The following CADM2 variants were observed in gnomAD, a reference collection of about 807,000 sequenced individuals.
CADM2 encodes cell adhesion molecule 2.
CADM2 carries 12 observed loss-of-function variants against 49.8 expected under a neutral mutation model. The ratio of observed to expected loss-of-function variants is 0.24; its 90% CI spans 0.15 to 0.39. The LOEUF is 0.39. CADM2 is among the 10% of genes least tolerant of loss of function. CADM2 has a pLI of 1.00. For synonymous variants in CADM2, 214 were observed against 175.4 expected (o/e 1.22, Z -1.74); for missense variants, 378 against 492.3 (o/e 0.77, Z 2.20).
At chr3:85,599,297 C>A (rs1390329236) in intron 1 of CADM2, among the ~76,000 whole-genome samples, 3 of 151,998 alleles carry the variant, frequency 2.0e-5, no homozygotes, top group African/African-American at 7.2e-5. Context: ...ACTATTAGGT[C>A]TTGGCTGTCT....
chr3:85,891,592 C>G lies in CADM2; in HGVS notation c.529+5265C>G, dbSNP rs148266463. Among the ~76,000 whole-genome samples, 648 of 152,208 alleles carry G rather than the reference C, an allele frequency of 4.3e-3. 5 individuals are homozygous for G. The highest frequency in any genetic ancestry group is 0.014 in the African/African-American group (598 of 41,548). On this transcript the variant is annotated intron_variant, in intron 5 of 9. Transcript: ENST00000383699. ...CAAGGATGGGCCTCATACAATGAGA[C>G]GAGGTCTTTAAGAAGGGGTAGAGTC...
intron 1 of CADM2, among the ~76,000 whole-genome samples, chr3:85,206,378 A>G (rs1230192653): frequency 1.4e-5 from 2 of 143,782 alleles, no homozygotes; most frequent in African/African-American, 2.6e-5. Context: ...CGCAATCTCG[A>G]CTCACTGCAA....
At chr3:85,036,731 T>C (rs1336237722) in intron 1 of CADM2, among the ~76,000 whole-genome samples, 2 of 152,202 alleles carry the variant, frequency 1.3e-5, no homozygotes, top group African/African-American at 2.4e-5. Flanking sequence ...AGTTTAGTTA[T>C]GTCTCTTATA....
chr3:85,071,405 CT>C (rs906315359), intron 1 of CADM2, among the ~76,000 whole-genome samples: 20 of 151,918 alleles, frequency 1.3e-4, no homozygotes, highest in South Asian at 1.0e-3. Context: ...GTGCGTTTAA[CT>C]AAATTCCTTT....
At chr3:85,577,355 A>G (rs1339256040) in intron 1 of CADM2, among the ~76,000 whole-genome samples, 4 of 152,142 alleles carry the variant, frequency 2.6e-5, no homozygotes, top group Non-Finnish European at 5.9e-5. Flanking sequence ...TGCTGTTATC[A>G]TGAGAGTGAG....
chr3:85,520,943 C>T (rs924146588), intron 1 of CADM2, among the ~76,000 whole-genome samples: 1 of 151,930 alleles, frequency 6.6e-6, no homozygotes, highest in Admixed American at 6.6e-5. Context: ...TGGCCAGTTT[C>T]CAGTGAGAAT....
intron 1 of CADM2, among the ~76,000 whole-genome samples, chr3:85,220,957 G>C (rs943058133): frequency 6.6e-6 from 1 of 152,074 alleles, no homozygotes; most frequent in Admixed American, 6.6e-5. Context: ...AAATTATAGC[G>C]GTCTGAAATT....
At chr3:86,044,676 A>G (rs954496016) in intron 8 of CADM2, among the ~76,000 whole-genome samples, 5 of 152,192 alleles carry the variant, frequency 3.3e-5, no homozygotes, top group African/African-American at 1.2e-4. Flanking sequence ...ATCTAGAACT[A>G]GAAATACCAT....
At chr3:85,966,757 A>G (rs1195951366) in intron 8 of CADM2, among the ~76,000 whole-genome samples, 1 of 151,686 alleles carries the variant, frequency 6.6e-6, no homozygotes, top group Non-Finnish European at 1.5e-5. Flanking sequence ...CTAAAGTATC[A>G]CTTGACTGTT....
intron 8 of CADM2, chr3:86,012,601 C>T: frequency 6.3e-7 from 1 of 1,579,036 alleles, no homozygotes; most frequent in Non-Finnish European, 8.6e-7. Flanking sequence ...ACGCGAAGCG[C>T]ACGCAGTCCG....
chr3:85,749,482 A>G (rs1029394066), intron 2 of CADM2, among the ~76,000 whole-genome samples: 1 of 151,974 alleles, frequency 6.6e-6, no homozygotes, highest in African/African-American at 2.4e-5. Context: ...AGTACAAATC[A>G]ATTTTGTTAG....
intron 1 of CADM2, among the ~76,000 whole-genome samples, chr3:85,596,135 A>T (rs1486233026): frequency 6.6e-6 from 1 of 151,750 alleles, no homozygotes; most frequent in African/African-American, 2.4e-5. Context: ...TTCTTGGCCC[A>T]TCTTTCTGTT....
chr3:85,241,989 C>T (rs2042540940), intron 1 of CADM2, among the ~76,000 whole-genome samples: 1 of 151,084 alleles, frequency 6.6e-6, no homozygotes, highest in African/African-American at 2.4e-5. Context: ...AGAGTAGTTG[C>T]ATGCCCCACA....
intron 1 of CADM2, among the ~76,000 whole-genome samples, chr3:85,109,301 CGCA>C (rs752723904): frequency 9.9e-5 from 15 of 151,222 alleles, no homozygotes; most frequent in Non-Finnish European, 1.5e-4. Flanking sequence ...CAAAAGAAAT[CGCA>C]AGTGAAAATA....
intron 3 of CADM2, among the ~76,000 whole-genome samples, chr3:85,851,463 C>A (rs2075106165): frequency 6.6e-6 from 1 of 151,698 alleles, no homozygotes; most frequent in Admixed American, 6.6e-5. Flanking sequence ...TCTTAGGAAC[C>A]AGAACACTTT....
chr3:85,649,994 C>T (rs1408987366), intron 1 of CADM2, among the ~76,000 whole-genome samples: 2 of 152,140 alleles, frequency 1.3e-5, no homozygotes, highest in Non-Finnish European at 2.9e-5. Context: ...TCTGTGAAAC[C>T]TCTTCATTTC....
intron 8 of CADM2, among the ~76,000 whole-genome samples, chr3:86,064,970 A>C (rs1252284277): frequency 2.0e-5 from 3 of 152,130 alleles, no homozygotes; most frequent in Non-Finnish European, 4.4e-5. Context: ...GCCAAAATAC[A>C]TTCTTCCCTT....
intron 1 of CADM2, among the ~76,000 whole-genome samples, chr3:85,588,309 C>CTTGTGTGG (rs1324118215): frequency 2.0e-5 from 3 of 151,876 alleles, no homozygotes; most frequent in Non-Finnish European, 2.9e-5. Context: ...TGTACGGTGG[C>CTTGTGTGG]TTGTGTGGTT....
intron 1 of CADM2, among the ~76,000 whole-genome samples, chr3:85,206,458 T>C (rs954037653): frequency 9.9e-5 from 15 of 151,574 alleles, no homozygotes; most frequent in South Asian, 4.2e-4. Context: ...CAGGCGCCCG[T>C]CACCACGCCC....
Sources: gnomAD v4.1 joint callset for allele counts (sites outside exome capture counted in the v4.1 genomes callset) on GRCh38, gnomAD v4.1.1 for gene constraint, MANE v1.5 for transcripts, NCBI Gene and HGNC (gene_info 2026-07-23, HGNC 2026-07-21) for gene names.